Variants in DCLK2 observed in about 807,000 individuals in gnomAD.
DCLK2 encodes serine/threonine-protein kinase DCLK2.
A neutral mutation model predicts 78.4 loss-of-function variants in DCLK2; 31 were observed. The ratio of observed to expected loss-of-function variants is 0.40; its 90% CI spans 0.30 to 0.53. DCLK2 has a LOEUF of 0.53. Ranked by LOEUF, DCLK2 falls within the 20% of genes least tolerant of loss-of-function variation. The pLI is 0.61. For synonymous variants in DCLK2, 407 were observed against 374.9 expected, an observed-to-expected ratio of 1.09 and a Z score of -0.99; for missense variants, 872 against 973.7, an observed-to-expected ratio of 0.90 and a Z score of 1.39.
chr4:150,231,438 A>G (rs1481528572), intron 8 of DCLK2, among the ~76,000 whole-genome samples: 1 of 152,208 alleles, frequency 6.6e-6, no homozygotes, highest in Non-Finnish European at 1.5e-5. Context: ...TTCATTTGTT[A>G]TAATTTCTAT....
At chr4:150,113,409 T>C (rs1423480654) in intron 2 of DCLK2, among the ~76,000 whole-genome samples, 1 of 151,946 alleles carries the variant, frequency 6.6e-6, no homozygotes, top group Non-Finnish European at 1.5e-5. Context: ...TTTTGTATTA[T>C]TTTGATTCAG....
chr4:150,168,710 G>A lies in DCLK2; in HGVS notation c.757-24428G>A, dbSNP rs117502594. On this transcript the variant is annotated intron_variant, in intron 2 of 15. Transcript: ENST00000296550. ...AAAGTAGTGATGGGTTTTAATACTC[G>A]TTGGGTAATAACTTTGCAACAATCT... Among the ~76,000 whole-genome samples the A allele has an allele frequency of 9.2e-5, 14 of 152,274 alleles. 1 individual carries two copies. The East Asian group carries it at 2.5e-3, about 27-fold the overall frequency.
intron 2 of DCLK2, among the ~76,000 whole-genome samples, chr4:150,107,946 T>G (rs942547367): frequency 5.3e-5 from 8 of 151,976 alleles, no homozygotes; most frequent in Non-Finnish European, 1.2e-4. Flanking sequence ...ATGCCAGCCT[T>G]GGGGACAGAG....
chr4:150,228,958 G>A (rs1220942555), intron 8 of DCLK2, among the ~76,000 whole-genome samples: 8 of 151,890 alleles, frequency 5.3e-5, no homozygotes, highest in East Asian at 1.9e-4. Flanking sequence ...CCCGGGAAGC[G>A]GAGCTTGCAG....
At chr4:150,187,817 T>G (rs1247124498) in intron 2 of DCLK2, among the ~76,000 whole-genome samples, 3 of 151,392 alleles carry the variant, frequency 2.0e-5, no homozygotes, top group Non-Finnish European at 3.0e-5. Flanking sequence ...TTTTTTTTTT[T>G]TGTGACAGAG....
intron 12 of DCLK2, among the ~76,000 whole-genome samples, chr4:150,244,369 T>A (rs911194014): frequency 1.3e-5 from 2 of 152,210 alleles, no homozygotes; most frequent in African/African-American, 4.8e-5. Flanking sequence ...GTATTATTTG[T>A]GTGACTATAC....
At chr4:150,114,774 G>T (rs10031447) in intron 2 of DCLK2, among the ~76,000 whole-genome samples, 58,088 of 152,006 alleles carry the variant, frequency 0.38, 11,336 homozygotes, top group Non-Finnish European at 0.42. Flanking sequence ...CTGATAGGTT[G>T]TCCTTTATAG....
rs34422399 is a variant in DCLK2, at chr4:150,159,992, C to CTT, written c.757-33135_757-33134dup. ...TTTGTTTGCAGACCCTCTTTGATGACTTTTTTTTTTTTAATTTTTATTATT... is the reference window on the plus strand; with the variant it reads ...TTTGTTTGCAGACCCTCTTTGATGACTTTTTTTTTTTTTTAATTTTTATTATT... On this transcript the variant is annotated intron_variant, in intron 2 of 15. Coordinates refer to ENST00000296550, the MANE Select transcript of DCLK2 (RefSeq NM_001040260.4). 1.1e-4 allele frequency among the ~76,000 whole-genome samples: 16 copies of CTT among 146,924 alleles called. No homozygotes were observed. In the South Asian group the frequency reaches 1.3e-3, roughly 12 times the overall value.
intron 2 of DCLK2, among the ~76,000 whole-genome samples, chr4:150,187,743 T>G (rs1412909800): frequency 6.6e-6 from 1 of 152,102 alleles, no homozygotes. Context: ...TTGTTTAACA[T>G]CTTGTGAGAT....
intron 15 of DCLK2, among the ~76,000 whole-genome samples, chr4:150,250,850 C>T (rs1397088851): frequency 6.8e-6 from 1 of 146,742 alleles, no homozygotes; most frequent in South Asian, 2.2e-4. Flanking sequence ...CACACATAAC[C>T]CACATCCCCA....
intron 2 of DCLK2, among the ~76,000 whole-genome samples, chr4:150,119,268 TA>T (rs1233987937): frequency 1.3e-5 from 2 of 152,214 alleles, no homozygotes; most frequent in Non-Finnish European, 2.9e-5. Flanking sequence ...CTGTGGATAT[TA>T]GGGGTGTTTT....
chr4:150,247,522 C>A, intron 12 of DCLK2, 81 bp from the exon 13 acceptor site: 2 of 1,219,212 alleles, frequency 1.6e-6, no homozygotes, highest in Admixed American at 1.9e-5. Context: ...GGACTCCTTT[C>A]CCCGCTCTTC....
chr4:150,091,101 C>T (rs1474526717), intron 1 of DCLK2, among the ~76,000 whole-genome samples: 1 of 152,124 alleles, frequency 6.6e-6, no homozygotes, highest in Non-Finnish European at 1.5e-5. Context: ...AATAATAAAT[C>T]AGTCTTACTT....
At chr4:150,221,501 G>A (rs1357415368) in intron 6 of DCLK2, among the ~76,000 whole-genome samples, 176 bp from the exon 7 acceptor site, 2 of 152,168 alleles carry the variant, frequency 1.3e-5, no homozygotes, top group Admixed American at 1.3e-4. Context: ...AACCAACGAA[G>A]TTAAAAGGAA....
chr4:150,127,009 G>A (rs1732963236), intron 2 of DCLK2, among the ~76,000 whole-genome samples: 1 of 152,108 alleles, frequency 6.6e-6, no homozygotes, highest in African/African-American at 2.4e-5. Flanking sequence ...GTATTCCCCT[G>A]TGAATACATT....
intron 2 of DCLK2, among the ~76,000 whole-genome samples, chr4:150,185,596 C>G (rs537128348): frequency 6.6e-6 from 1 of 151,896 alleles, no homozygotes; most frequent in African/African-American, 2.4e-5. Flanking sequence ...TGCCTGTAAT[C>G]CCAACTACTC....
At chr4:150,209,273 C>T (rs1261548438) in intron 5 of DCLK2, among the ~76,000 whole-genome samples, 2 of 152,180 alleles carry the variant, frequency 1.3e-5, no homozygotes, top group Non-Finnish European at 2.9e-5. Flanking sequence ...AGGGCTGCTC[C>T]TGGTGATGGT....
At chr4:150,158,319 T>C (rs1735466111) in intron 2 of DCLK2, among the ~76,000 whole-genome samples, 1 of 152,206 alleles carries the variant, frequency 6.6e-6, no homozygotes, top group Non-Finnish European at 1.5e-5. Flanking sequence ...AATTACCTTT[T>C]TAAAGACTGT....
At chr4:150,239,662 T>A in intron 10 of DCLK2, 80 bp from the exon 11 acceptor site, 2 of 1,533,470 alleles carry the variant, frequency 1.3e-6, no homozygotes, top group Non-Finnish European at 8.9e-7. Flanking sequence ...ATTTGTGTCC[T>A]TTCTGCCTAA....
Sources: gnomAD v4.1 joint callset for allele counts (sites outside exome capture counted in the v4.1 genomes callset) on GRCh38, gnomAD v4.1.1 for gene constraint, MANE v1.5 for transcripts, NCBI Gene and HGNC (gene_info 2026-07-23, HGNC 2026-07-21) for gene names.